ABCC2: variants seen among roughly 807,000 people sequenced by gnomAD.
The protein encoded by ABCC2 is ATP-binding cassette sub-family C member 2.
ABCC2 carries 157 observed loss-of-function variants against 173.4 expected under a neutral mutation model. That is an observed-to-expected ratio of 0.91 (90% CI 0.80 to 1.03). The LOEUF (loss-of-function observed/expected upper bound fraction) is 1.03. Ranked by LOEUF, ABCC2 falls within the 50% of genes least tolerant of loss-of-function variation. The pLI is 0.00. For missense variants in ABCC2, 1,822 were observed against 1,852.3 expected, an observed-to-expected ratio of 0.98 and a Z score of 0.30; for synonymous variants, 657 against 693.5, an observed-to-expected ratio of 0.95 and a Z score of 0.83.
intron 2 of ABCC2, among the ~76,000 whole-genome samples, chr10:99,786,006 C>G (rs1422257565): frequency 6.6e-6 from 1 of 152,116 alleles, no homozygotes; most frequent in Non-Finnish European, 1.5e-5. Flanking sequence ...GATTCTGATT[C>G]AAAAAAGAAC....
intron 19 of ABCC2, among the ~76,000 whole-genome samples, chr10:99,823,065 A>C (rs1205154011): frequency 6.6e-6 from 1 of 152,108 alleles, no homozygotes; most frequent in Non-Finnish European, 1.5e-5. Context: ...AACATATGAT[A>C]ATTTTCCAAA....
At chr10:99,794,324 T>C in intron 5 of ABCC2, 89 bp from the exon 6 acceptor site, 1 of 1,214,326 alleles carries the variant, frequency 8.2e-7, no homozygotes, top group Non-Finnish European at 1.2e-6. Flanking sequence ...CACAACATTA[T>C]ATCATTAAAA....
intron 2 of ABCC2, among the ~76,000 whole-genome samples, chr10:99,792,029 A>G (rs1220278473): frequency 6.6e-6 from 1 of 152,246 alleles, no homozygotes; most frequent in Non-Finnish European, 1.5e-5. Flanking sequence ...CTTCACACTC[A>G]GCATTCCTCA....
At chr10:99,820,460 A>G (rs1473711122) in intron 19 of ABCC2, among the ~76,000 whole-genome samples, 1 of 152,032 alleles carries the variant, frequency 6.6e-6, no homozygotes, top group East Asian at 1.9e-4. Flanking sequence ...AGAGTTTGAA[A>G]GAAAAATCTA....
chr10:99,821,761 C>T (rs1312582211), intron 19 of ABCC2, among the ~76,000 whole-genome samples: 1 of 152,112 alleles, frequency 6.6e-6, no homozygotes, highest in African/African-American at 2.4e-5. Flanking sequence ...TCTACACAGA[C>T]ACAGTGACAA....
At position 99,851,612 on chromosome 10, in the gene ABCC2, T is replaced by A; in HGVS notation, c.4619T>A (p.Val1540Glu). The A allele has an allele frequency of 6.2e-7, 1 of 1,614,198 alleles. No homozygotes were observed. The highest frequency in any genetic ancestry group is 8.5e-7 in the Non-Finnish European group (1 of 1,180,016). ...GCTAAGGAAGCTGGCATTGAGAATG[T>A]GAACAGCACAAAATTCTAGCAGAAG... ...FMAKEAGIEN[V>E]NSTKF Residue 1540 changes from valine to glutamate, a missense_variant, in exon 32 of 32, where the codon GTG becomes GAG. Transcript: ENST00000647814.
chr10:99,830,428 C>T lies in ABCC2; in HGVS notation c.2742C>T (p.Ser914=). 6.2e-7 allele frequency: 1 copy of T among 1,614,210 alleles called. No homozygotes were observed. Among genetic ancestry groups the T allele is most frequent in the Non-Finnish European group, 8.5e-7 (1 of 1,180,028 alleles). ...RRENSFRRTL[S]RSSRSNGRHL... is the part of the protein sequence containing the mutation. The stretch of plus-strand genomic sequence containing the variant: ...AGAACAGCTTTCGTCGAACACTTAG[C>T]CGCAGGTTGGCTATCTATTCAGCTG... The change falls in exon 20 of 32, where the codon AGC becomes AGT. Residue 914 remains serine, a synonymous_variant. Transcript: ENST00000647814.
intron 16 of ABCC2, among the ~76,000 whole-genome samples, chr10:99,815,662 T>C (rs1248823752): frequency 6.6e-6 from 1 of 152,196 alleles, no homozygotes; most frequent in East Asian, 1.9e-4. Flanking sequence ...CTTTTTTTCT[T>C]AAGATCTTCA....
In ABCC2 at chr10:99,836,193, A is replaced by G. The variant is rs72558201; in HGVS notation, c.3517A>G (p.Ile1173Val). Residue 1173 changes from isoleucine (I) to valine (V), a missense_variant, in exon 25 of 32, where the codon ATC (isoleucine) becomes GTC (valine). Coordinates refer to ENST00000647814, the MANE Select transcript of ABCC2 (RefSeq NM_000392.5). ...CGAGACCGTATCAGGTTTGCCAGTT[A>G]TCCGTGCCTTTGAGCACCAGCAGCG... ...FSETVSGLPVIRAFEHQQRFL... is the reference protein window; with the variant it reads ...FSETVSGLPVVRAFEHQQRFL... The G allele has an allele frequency of 6.2e-7, 1 of 1,614,208 alleles. No homozygotes were observed. The highest frequency in any genetic ancestry group is 1.7e-5 in the Admixed American group (1 of 60,026).
chr10:99,787,703 T>C (rs374753633), intron 2 of ABCC2, among the ~76,000 whole-genome samples: 3 of 151,078 alleles, frequency 2.0e-5, no homozygotes, highest in Non-Finnish European at 4.4e-5. Context: ...TATTTTTTAA[T>C]GGGGGTGTGA....
chr10:99,828,965 A>C (rs2038692028), intron 19 of ABCC2, among the ~76,000 whole-genome samples: 1 of 150,720 alleles, frequency 6.6e-6, no homozygotes, highest in Non-Finnish European at 1.5e-5. Flanking sequence ...AATATATCAG[A>C]GAGATCAGAG....
Position 99,818,880 on chromosome 10 carries a change from C to T in ABCC2, c.2362C>T (p.Leu788=), listed in dbSNP as rs190598794. ...AGACATCTATCTTCTAGATGACCCC[C>T]TGTCTGCAGTGGATGCTCATGTAGG... ...NLDIYLLDDP[L]SAVDAHVGKH... The change falls in exon 18 of 32, where the codon CTG becomes TTG. Residue 788 remains leucine, a synonymous_variant. Coordinates refer to ENST00000647814, the MANE Select transcript of ABCC2 (RefSeq NM_000392.5). 1.9e-6 allele frequency: 3 copies of T among 1,614,106 alleles called. No homozygotes were observed. The African/African-American group carries it at 4.0e-5, about 22-fold the overall frequency.
chr10:99,844,328 T>C lies in ABCC2; in HGVS notation c.3850T>C (p.Trp1284Arg), dbSNP rs1265009798. Residue 1284 changes from tryptophan (W) to arginine (R), a missense_variant, in exon 28 of 32, where the codon TGG (tryptophan) becomes CGG (arginine). Transcript: ENST00000647814. ...CATCTTGTCTCCTTGCCAGGCACCC[T>C]GGGTGACTGATAAGAGGCCTCCGCC... is the stretch of plus-strand genomic sequence containing the variant. ...EYTKVENEAP[W>R]VTDKRPPPDW... 1 of 1,614,208 alleles carries C rather than the reference T, an allele frequency of 6.2e-7. No homozygotes were observed.
Position 99,801,218 on chromosome 10 carries a change from G to A in ABCC2, c.1209+655G>A, listed in dbSNP as rs145809063. Among the ~76,000 whole-genome samples, 939 of 151,970 alleles carry A rather than the reference G, an allele frequency of 6.2e-3. 9 individuals are homozygous for A. The highest frequency in any genetic ancestry group is 0.021 in the African/African-American group (882 of 41,464). On this transcript the variant is annotated intron_variant, in intron 9 of 31. Coordinates refer to ENST00000647814, the MANE Select transcript of ABCC2 (RefSeq NM_000392.5). ...TCATCTTCCCTCTGATACATTGTTTGTTGTTGTTGTTGTTTTGTTTTGTTT... is the reference window on the plus strand; with the variant it reads ...TCATCTTCCCTCTGATACATTGTTTATTGTTGTTGTTGTTTTGTTTTGTTT...
At position 99,799,199 on chromosome 10, in the gene ABCC2, G is replaced by A; in HGVS notation, c.868-8G>A. On this transcript the variant is annotated splice_polypyrimidine_tract_variant and splice_region_variant and intron_variant, in intron 7 of 31. Transcript: ENST00000647814. ...TCTGTGGACACTGTTGTTTGGTTTT[G>A]TACCTAGGAAGATGTTGAAAAGAAA... is the stretch of plus-strand genomic sequence containing the variant. 6.2e-7 allele frequency: 1 copy of A among 1,613,804 alleles called. No individual in the cohort carries two copies. The highest frequency in any genetic ancestry group is 1.3e-5 in the African/African-American group (1 of 74,998).
rs1291007640 is a variant in ABCC2, at chr10:99,800,554, A to G, written c.1200A>G (p.Val400=). The G allele has an allele frequency of 6.2e-7, 1 of 1,614,146 alleles. No homozygotes were observed. Among genetic ancestry groups the G allele is most frequent in the Non-Finnish European group, 8.5e-7 (1 of 1,180,012 alleles). ...VKVRTAIMAS[V]YKKALTLSNL... is the part of the protein sequence containing the mutation. ...TACGGACAGCTATCATGGCTTCTGT[A>G]TATAAGAAGGTAAGCAGAATACGGC... The change falls in exon 9 of 32, where the codon GTA becomes GTG. Residue 400 remains valine, a synonymous_variant. Transcript: ENST00000647814.
At chr10:99,783,137 A>G (rs1253403148) in intron 1 of ABCC2, among the ~76,000 whole-genome samples, 1 of 152,236 alleles carries the variant, frequency 6.6e-6, no homozygotes, top group African/African-American at 2.4e-5. Flanking sequence ...CCTTCTCTAA[A>G]GAGAAACAGG....
chr10:99,831,989 TC>T lies in ABCC2; in HGVS notation c.3117del (p.Phe1039LeufsTer2), dbSNP rs2038749025. ...CTTCCATCTCTAGGTATATTTGTGT[TC>T]ATAGCACATTTCTGGAGTGCCTTTG... The part of the protein sequence containing the change: ...ALGLAQGIFV[F>X]IAHFWSAFGF... On this transcript the variant is annotated frameshift_variant, in exon 23 of 32. Transcript: ENST00000647814. LOFTEE classifies it high-confidence loss of function. 6.2e-7 allele frequency: 1 copy of T among 1,614,120 alleles called. No homozygotes were observed. Among genetic ancestry groups the T allele is most frequent in the Non-Finnish European group, 8.5e-7 (1 of 1,180,044 alleles).
intron 1 of ABCC2, among the ~76,000 whole-genome samples, chr10:99,783,320 G>C (rs2037647368): frequency 6.6e-6 from 1 of 152,182 alleles, no homozygotes; most frequent in African/African-American, 2.4e-5. Context: ...GTTGAGTCTA[G>C]GGATGCAACT....
Sources: allele counts gnomAD v4.1 joint callset (sites outside exome capture counted in the v4.1 genomes callset), GRCh38; gene constraint gnomAD v4.1.1; transcripts MANE v1.5; gene names NCBI Gene and HGNC (gene_info 2026-07-23, HGNC 2026-07-21).